Variants in UROS observed in about 807,000 individuals in gnomAD.
UROS encodes the protein uroporphyrinogen III synthase, also known as uroporphyrinogen-III synthase.
A neutral mutation model predicts 33.0 loss-of-function variants in UROS; 18 were observed. The ratio of observed to expected loss-of-function variants is 0.55; its 90% CI spans 0.38 to 0.81. The LOEUF (loss-of-function observed/expected upper bound fraction) is 0.81, where lower values mean the gene tolerates loss of function less well. Among genes scored for constraint, UROS ranks in the 30% least tolerant of loss-of-function variants. The pLI is 0.00. For synonymous variants in UROS, 114 were observed against 121.1 expected, an observed-to-expected ratio of 0.94 and a Z score of 0.38; for missense variants, 293 against 314.9, an observed-to-expected ratio of 0.93 and a Z score of 0.53.
At position 125,807,416 on chromosome 10, in the gene UROS, A is replaced by G. The variant is rs1350528981; in HGVS notation, c.391T>C (p.Ser131Pro). Reference protein sequence around the residue: ...NAEKLAEYICSRESSALPLLF... With the variant: ...NAEKLAEYICPRESSALPLLF... ...GGAGTGATGTTTTTCTACTTACTGGAACAAATATATTCTGCAAGCTTTTCT... is the reference window on the plus strand; with the variant it reads ...GGAGTGATGTTTTTCTACTTACTGGGACAAATATATTCTGCAAGCTTTTCT... The change falls in exon 6 of 10, where the codon TCC becomes CCC. Residue 131 changes from serine (S) to proline (P), a missense_variant. By Grantham distance (74) the Ser-to-Pro change is moderately conservative (BLOSUM62 -1). Transcript: ENST00000368797. The G allele has an allele frequency of 6.2e-7, 1 of 1,613,872 alleles. No homozygotes were observed. Among genetic ancestry groups the G allele is most frequent in the South Asian group, 1.1e-5 (1 of 91,080 alleles).
In UROS at chr10:125,788,588, C is replaced by G; in HGVS notation, c.*280G>C. On this transcript the variant is annotated 3_prime_UTR_variant, in exon 10 of 10. Transcript: ENST00000368797. ...ACAGCAACCATACACTCAGTAAGCA[C>G]AGGTAGTCAGTGTGGTTTATTTGAC... 4 of 1,379,458 alleles carry G rather than the reference C, an allele frequency of 2.9e-6. No homozygotes were observed. Among genetic ancestry groups the G allele is most frequent in the Non-Finnish European group, 3.7e-6 (4 of 1,066,774 alleles). The allele number at this position is 1,379,458 out of a possible 1,614,324, so 85.5% of individuals were successfully genotyped here.
At chr10:125,794,512 G>A (rs1238557078) in intron 9 of UROS, 1 of 368,338 alleles carries the variant, frequency 2.7e-6, no homozygotes, top group East Asian at 1.0e-4. Flanking sequence ...AGACAATAAT[G>A]GCAAACATAA....
intron 6 of UROS, among the ~76,000 whole-genome samples, chr10:125,806,709 A>G (rs753803450): frequency 2.0e-5 from 3 of 152,176 alleles, no homozygotes; most frequent in Non-Finnish European, 4.4e-5. Context: ...ATGGGGGTGT[A>G]TGATCTTACA....
At chr10:125,804,498 TGA>T (rs2133882260) in intron 6 of UROS, among the ~76,000 whole-genome samples, 1 of 152,284 alleles carries the variant, frequency 6.6e-6, no homozygotes, top group Non-Finnish European at 1.5e-5. Context: ...TTACTGAACC[TGA>T]GTAGGGAGTC....
chr10:125,822,971 C>A (rs1226116206), intron 1 of UROS, 58 bp downstream of exon 1: 1 of 152,340 alleles, frequency 6.6e-6, no homozygotes, highest in Non-Finnish European at 1.5e-5. Flanking sequence ...CGGGGCCGGG[C>A]CCCTGCACGC....
chr10:125,795,873 A>G (rs1404898391), intron 8 of UROS, among the ~76,000 whole-genome samples: 2 of 152,222 alleles, frequency 1.3e-5, no homozygotes, highest in African/African-American at 2.4e-5. Flanking sequence ...TACCGAAATC[A>G]CTGATTTCAA....
At chr10:125,802,129 T>C in intron 6 of UROS, 1 of 985,490 alleles carries the variant, frequency 1.0e-6, no homozygotes, top group Non-Finnish European at 1.2e-6. Flanking sequence ...GCGGTGATGA[T>C]GACTCTCTAG....
In UROS at chr10:125,814,765, C is replaced by T. The variant is rs543196158; in HGVS notation, c.244+269G>A. On this transcript the variant is annotated intron_variant, in intron 4 of 9. Transcript: ENST00000368797. ...TCTCTTTCAGGAAAGTAGTATTTAT[C>T]CTATTTTCAGATGATACCTTCTAAG... is the stretch of plus-strand genomic sequence containing the variant. Among the ~76,000 whole-genome samples, 15 of 152,220 alleles carry T rather than the reference C, an allele frequency of 9.9e-5. No homozygotes were observed. The South Asian group carries it at 1.0e-3, about 11-fold the overall frequency.
At chr10:125,795,058 A>G in intron 8 of UROS, 80 bp from the exon 9 acceptor site, 1 of 1,398,092 alleles carries the variant, frequency 7.2e-7, no homozygotes. Context: ...ATCCGCATCA[A>G]GACCTCAAGC....
intron 9 of UROS, 117 bp downstream of exon 9, chr10:125,794,762 TA>T: frequency 1.0e-6 from 1 of 977,134 alleles, no homozygotes; most frequent in Non-Finnish European, 1.5e-6. Context: ...CTTCCAATTC[TA>T]AGGCACCTGC....
chr10:125,794,434 A>C, intron 9 of UROS: 1 of 874,260 alleles, frequency 1.1e-6, no homozygotes, highest in Non-Finnish European at 1.4e-6. Context: ...CTCATAATAA[A>C]TACAGTCCCT....
rs757376900 is a variant in UROS at position 125,794,931 on chromosome 10, G to A, written c.609C>T (p.Tyr203=). 5 of 1,614,030 alleles carry A rather than the reference G, an allele frequency of 3.1e-6. No homozygotes were observed. In the African/African-American group the frequency reaches 6.7e-5, roughly 22 times the overall value. The change falls in exon 9 of 10, where the codon TAC becomes TAT. Residue 203 remains tyrosine, a synonymous_variant. Transcript: ENST00000368797. ...ITFFSPSGLT[Y]SLKHIQELSG... is the part of the protein sequence containing the mutation. The stretch of plus-strand genomic sequence containing the variant: ...ATAACTCCTGAATGTGCTTGAGACT[G>A]TATGTGAGGCCAGAGGGACTAAAAA...
At chr10:125,803,595 T>A (rs776519705) in intron 6 of UROS, among the ~76,000 whole-genome samples, 11 of 152,204 alleles carry the variant, frequency 7.2e-5, no homozygotes, top group African/African-American at 2.7e-4. Context: ...TTGGGCCCAA[T>A]CCTGGCTGTA....
chr10:125,808,684 C>T (rs911761113), intron 5 of UROS, among the ~76,000 whole-genome samples: 2 of 152,220 alleles, frequency 1.3e-5, no homozygotes, highest in African/African-American at 4.8e-5. Context: ...AGCACTTGCT[C>T]ATTTGATCCT....
rs10901436 is a variant in UROS at position 125,797,860 on chromosome 10, G to A, written c.475+205C>T. ...GCTCCTAGCTTGAGCTAACAAGCTG[G>A]GAAGAGTGGATCCAAAGAAAGGAAA... On this transcript the variant is annotated intron_variant, in intron 7 of 9. Transcript: ENST00000368797. Among the ~76,000 whole-genome samples the A allele has an allele frequency of 0.45, 67,689 of 152,006 alleles. 15,285 individuals are homozygous for A. Among genetic ancestry groups the A allele is most frequent in the African/African-American group, 0.48 (19,783 of 41,442 alleles).
downstream of UROS, among the ~76,000 whole-genome samples, chr10:125,787,012 C>T (rs1441732994): frequency 6.6e-6 from 1 of 152,240 alleles, no homozygotes. Flanking sequence ...TCTCCCGCCC[C>T]GTATGAGCTC....
At chr10:125,791,149 C>T (rs530389782) in intron 9 of UROS, among the ~76,000 whole-genome samples, 32 of 149,916 alleles carry the variant, frequency 2.1e-4, no homozygotes, top group Non-Finnish European at 4.3e-4. Flanking sequence ...AACAATAAAA[C>T]GACAAATAAC....
At position 125,815,144 on chromosome 10, in the gene UROS, A is replaced by C. The variant is rs777899421; in HGVS notation, c.148-14T>G. Reference sequence around the variant, plus strand: ...AGGATGAGAAAGCTGCACACCAAAAAGCAATAAAGACATTTTATACGATGG... The same window carrying C: ...AGGATGAGAAAGCTGCACACCAAAACGCAATAAAGACATTTTATACGATGG... On this transcript the variant is annotated splice_polypyrimidine_tract_variant and intron_variant, in intron 3 of 9. Transcript: ENST00000368797. The C allele has an allele frequency of 1.2e-6, 2 of 1,613,832 alleles. No individual in the cohort carries two copies. Among genetic ancestry groups the C allele is most frequent in the Non-Finnish European group, 1.7e-6 (2 of 1,179,756 alleles).
At chr10:125,799,561 T>G (rs2133852918) in intron 6 of UROS, among the ~76,000 whole-genome samples, 1 of 152,256 alleles carries the variant, frequency 6.6e-6, no homozygotes, top group Admixed American at 6.5e-5. Context: ...CAGCACCTCT[T>G]GTGAGGGTCC....
Sources: gnomAD v4.1 joint callset for allele counts (sites outside exome capture counted in the v4.1 genomes callset) on GRCh38, gnomAD v4.1.1 for gene constraint, MANE v1.5 for transcripts, NCBI Gene and HGNC (gene_info 2026-07-23, HGNC 2026-07-21) for gene names.